Variants in PTCH1 observed in about 807,000 individuals in gnomAD.
PTCH1 encodes the protein patched 1.
PTCH1 carries 14 observed loss-of-function variants against 144.6 expected under a neutral mutation model. The ratio of observed to expected loss-of-function variants is 0.10; its 90% confidence interval spans 0.06 to 0.15. The LOEUF is 0.15. Ranked by LOEUF, PTCH1 falls within the 10% of genes least tolerant of loss-of-function variation. The pLI is 1.00. For synonymous variants in PTCH1, 833 were observed against 793.6 expected (o/e 1.05, Z -0.83); for missense variants, 1,623 against 1,948.3 (o/e 0.83, Z 3.14).
chr9:95,508,089 G>C, intron 1 of PTCH1, 72 bp downstream of exon 1: 13 of 1,599,632 alleles, frequency 8.1e-6, no homozygotes, highest in Non-Finnish European at 1.0e-5. Context: ...GTGTGTGTTT[G>C]TGTGTGGCGG....
rs1841434166 is a variant in PTCH1, at chr9:95,480,362, T to C, written c.945+28A>G. The C allele has an allele frequency of 3.1e-6, 5 of 1,608,432 alleles. No individual in the cohort carries two copies. The African/African-American group carries it at 4.1e-5, about 13-fold the overall frequency. ...AAAAAAGTGTTTTGCTCTCCACCCT[T>C]CTGAGAGCGCTCACTGCTGGTACTC... On this transcript the variant is annotated intron_variant, in intron 6 of 23. Coordinates refer to ENST00000331920, the MANE Select transcript of PTCH1 (RefSeq NM_000264.5).
upstream of PTCH1, among the ~76,000 whole-genome samples, chr9:95,511,815 T>G (rs1467906112): frequency 6.6e-6 from 1 of 152,222 alleles, no homozygotes; most frequent in Non-Finnish European, 1.5e-5. Context: ...TGTGTTTGCT[T>G]CTGGAAATTG....
chr9:95,465,482 T>C (rs999054653), intron 15 of PTCH1, among the ~76,000 whole-genome samples: 12 of 152,228 alleles, frequency 7.9e-5, no homozygotes, highest in Non-Finnish European at 1.8e-4. Flanking sequence ...AAATTCACGT[T>C]CGTCTCAGGA....
rs766898310 is a variant in PTCH1 at position 95,477,630 on chromosome 9, C to T, written c.1420G>A (p.Val474Ile). Residue 474 changes from valine to isoleucine, a missense_variant, in exon 10 of 24, where the codon GTC becomes ATC. Coordinates refer to ENST00000331920, the MANE Select transcript of PTCH1 (RefSeq NM_000264.5). The stretch of plus-strand genomic sequence containing the variant: ...GCCACTGACAGTGCAACCAGCAGGA[C>T]GCCAGCCAGCCCCACGGCACCCTGG... ...KSQGAVGLAG[V>I]LLVALSVAAG... 20 of 1,614,086 alleles carry T rather than the reference C, an allele frequency of 1.2e-5. No individual in the cohort carries two copies. The highest frequency in any genetic ancestry group is 1.1e-4 in the East Asian group (5 of 44,894).
chr9:95,453,306 A>G, intron 20 of PTCH1, 172 bp downstream of exon 20: 1 of 925,148 alleles, frequency 1.1e-6, no homozygotes, highest in South Asian at 1.5e-5. Flanking sequence ...TAATTTTTGT[A>G]TTTTGAGTGG....
At chr9:95,490,519 T>TCACACA (rs536111739) in intron 2 of PTCH1, among the ~76,000 whole-genome samples, 2,209 of 119,876 alleles carry the variant, frequency 0.018, 49 homozygotes, top group East Asian at 0.071. Flanking sequence ...ACCTTCTATG[T>TCACACA]GACACACACA....
Position 95,447,365 on chromosome 9 carries a change from C to T in PTCH1, c.3891G>A (p.Arg1297=), listed in dbSNP as rs1564006067. 6.2e-7 allele frequency: 1 copy of T among 1,613,302 alleles called. No homozygotes were observed. The highest frequency in any genetic ancestry group is 1.1e-5 in the South Asian group (1 of 91,058). ...HLDSGSLPPG[R]QGQQPRRDPP... Reference sequence around the variant, plus strand: ...GGTCCCTGCGGGGCTGCTGGCCTTGCCGTCCGGGAGGCAGGGACCCTGAGT... The same window carrying T: ...GGTCCCTGCGGGGCTGCTGGCCTTGTCGTCCGGGAGGCAGGGACCCTGAGT... The change falls in exon 23 of 24, where the codon CGG becomes CGA. Residue 1297 remains arginine, a synonymous_variant. Transcript: ENST00000331920.
exon 1 of PTCH1, chr9:95,516,659 T>G (rs1844378053): frequency 1.2e-6 from 2 of 1,612,038 alleles, no homozygotes; most frequent in African/African-American, 2.7e-5. Flanking sequence ...CCCTGTCGTC[T>G]TTTTCTTCTC....
At chr9:95,506,381 G>A (rs1287117284) in intron 2 of PTCH1, 26 bp downstream of exon 2, 2 of 1,606,136 alleles carry the variant, frequency 1.2e-6, no homozygotes, top group Non-Finnish European at 1.7e-6. Flanking sequence ...GGCCGGGGGC[G>A]CGGGCGCCGC....
intron 2 of PTCH1, among the ~76,000 whole-genome samples, chr9:95,503,656 A>G (rs1843305972): frequency 1.3e-5 from 2 of 152,234 alleles, no homozygotes; most frequent in Non-Finnish European, 2.9e-5. Context: ...CAGACAACCC[A>G]TAGTTTCCCA....
At chr9:95,454,003 G>A (rs776111132) in intron 19 of PTCH1, among the ~76,000 whole-genome samples, 4 of 152,192 alleles carry the variant, frequency 2.6e-5, no homozygotes, top group African/African-American at 4.8e-5. Flanking sequence ...GGATGGCTAA[G>A]AGCTTAGCTC....
intron 22 of PTCH1, among the ~76,000 whole-genome samples, chr9:95,448,161 G>A (rs183833102): frequency 5.9e-5 from 9 of 152,316 alleles, no homozygotes; most frequent in Non-Finnish European, 1.0e-4. Flanking sequence ...CTTCAAAGTC[G>A]TTCAGCTTGT....
At chr9:95,493,909 G>A (rs1429300019) in intron 2 of PTCH1, among the ~76,000 whole-genome samples, 1 of 152,152 alleles carries the variant, frequency 6.6e-6, no homozygotes, top group Non-Finnish European at 1.5e-5. Context: ...GCCAACCGCT[G>A]TCCAAGTTTC....
chr9:95,475,667 G>A (rs1410426426), intron 12 of PTCH1, among the ~76,000 whole-genome samples: 1 of 152,150 alleles, frequency 6.6e-6, no homozygotes, highest in Admixed American at 6.5e-5. Context: ...TGCAGGTACT[G>A]GGAGTGGTGT....
intron 5 of PTCH1, among the ~76,000 whole-genome samples, chr9:95,481,613 A>G (rs1038819217): frequency 1.6e-4 from 25 of 152,250 alleles, no homozygotes; most frequent in African/African-American, 5.1e-4. Context: ...TCCTTAAAAA[A>G]TAAGTGTCTA....
At chr9:95,480,245 C>T (rs1360799684) in intron 6 of PTCH1, 145 bp downstream of exon 6, 8 of 1,518,010 alleles carry the variant, frequency 5.3e-6, no homozygotes, top group South Asian at 3.5e-5. Context: ...CAAAATTTAG[C>T]TCTATAAATA....
exon 1 of PTCH1, chr9:95,516,521 C>A: frequency 1.3e-6 from 2 of 1,541,340 alleles, no homozygotes. Flanking sequence ...GGCGCGGACG[C>A]TGGGCTTGGA....
chr9:95,506,768 TG>T (rs938050130), intron 1 of PTCH1, 169 bp from the exon 2 acceptor site: 11 of 1,054,722 alleles, frequency 1.0e-5, no homozygotes, highest in Non-Finnish European at 1.2e-5. Context: ...CTGAGCGTCA[TG>T]GGGGGCTCGG....
intron 15 of PTCH1, among the ~76,000 whole-genome samples, chr9:95,465,775 A>G (rs1055035213): frequency 6.6e-6 from 1 of 152,256 alleles, no homozygotes; most frequent in Non-Finnish European, 1.5e-5. Context: ...TAAGACAATC[A>G]TTTGGATAAT....
Sources: allele counts gnomAD v4.1 joint callset (sites outside exome capture counted in the v4.1 genomes callset), GRCh38; gene constraint gnomAD v4.1.1; transcripts MANE v1.5; gene names NCBI Gene and HGNC (gene_info 2026-07-23, HGNC 2026-07-21).